Variants in ZNF804B observed in about 807,000 individuals in gnomAD.
The protein encoded by ZNF804B is zinc finger 804B.
ZNF804B carries 80 observed loss-of-function variants against 101.4 expected under a neutral mutation model. The observed-to-expected ratio is 0.79, with a 90% confidence interval of 0.66 to 0.95. ZNF804B has a LOEUF of 0.95. ZNF804B is among the 40% of genes least tolerant of loss of function. The pLI, the probability that ZNF804B is intolerant of heterozygous loss-of-function variation, is 0.00. For missense variants in ZNF804B, 1,673 were observed against 1,561.9 expected (o/e 1.07, Z -1.20); for synonymous variants, 622 against 558.8 (o/e 1.11, Z -1.59).
chr7:89,051,511 T>G (rs995798505), intron 1 of ZNF804B, among the ~76,000 whole-genome samples: 1 of 152,162 alleles, frequency 6.6e-6, no homozygotes, highest in Non-Finnish European at 1.5e-5. Context: ...AGTTTGCTAT[T>G]TTACCATTCA....
chr7:88,857,766 A>G (rs540819332), intron 1 of ZNF804B, among the ~76,000 whole-genome samples: 1 of 150,784 alleles, frequency 6.6e-6, no homozygotes, highest in African/African-American at 2.4e-5. Flanking sequence ...TTATGAGGCC[A>G]GCATAATCCT....
intron 2 of ZNF804B, among the ~76,000 whole-genome samples, chr7:89,314,895 C>A (rs1790699411): frequency 6.6e-6 from 1 of 152,204 alleles, no homozygotes; most frequent in African/African-American, 2.4e-5. Flanking sequence ...CAGAAAACTT[C>A]AAGCTCTTAA....
At chr7:89,190,401 G>A (rs1434590817) in intron 1 of ZNF804B, among the ~76,000 whole-genome samples, 2 of 150,780 alleles carry the variant, frequency 1.3e-5, no homozygotes, top group Non-Finnish European at 3.0e-5. Flanking sequence ...CTGAATTATT[G>A]TGATTTCTTA....
At chr7:89,045,266 T>C (rs187032278) in intron 1 of ZNF804B, among the ~76,000 whole-genome samples, 1 of 152,320 alleles carries the variant, frequency 6.6e-6, no homozygotes, top group East Asian at 1.9e-4. Context: ...TGCCTGGATG[T>C]CCAGGCAGAA....
At chr7:89,263,067 A>G (rs1406734721) in intron 2 of ZNF804B, among the ~76,000 whole-genome samples, 2 of 152,152 alleles carry the variant, frequency 1.3e-5, no homozygotes, top group African/African-American at 4.8e-5. Flanking sequence ...TGACTGTGAG[A>G]AAGTGGCATC....
At chr7:88,996,632 G>A (rs1424254005) in intron 1 of ZNF804B, among the ~76,000 whole-genome samples, 1 of 152,064 alleles carries the variant, frequency 6.6e-6, no homozygotes, top group Non-Finnish European at 1.5e-5. Flanking sequence ...AATTTAAATT[G>A]GCAAGTGTTT....
At position 89,007,446 on chromosome 7, in the gene ZNF804B, T is replaced by TTATATATATATA. The variant is rs61374091; in HGVS notation, c.109-210681_109-210670dup. 8.7e-3 allele frequency among the ~76,000 whole-genome samples: 495 copies of TTATATATATATA among 57,120 alleles called. 12 individuals are homozygous for TTATATATATATA. The highest frequency in any genetic ancestry group is 0.028 in the East Asian group (35 of 1,232). 37.5% of individuals were successfully genotyped at this position (57,120 alleles called of 152,430 possible). Reference sequence around the variant, plus strand: ...ATGTTATCTAAAGTTATCCATGATTTTATATATATATATATATATATATAT... The same window carrying TTATATATATATA: ...ATGTTATCTAAAGTTATCCATGATTTTATATATATATATATATATATATATATATATATATAT... On this transcript the variant is annotated intron_variant, in intron 1 of 3. Coordinates refer to ENST00000333190, the MANE Select transcript of ZNF804B (RefSeq NM_181646.5).
At chr7:88,846,911 CACAT>C (rs1231533954) in intron 1 of ZNF804B, among the ~76,000 whole-genome samples, 8 of 142,122 alleles carry the variant, frequency 5.6e-5, no homozygotes, top group East Asian at 4.3e-4. Flanking sequence ...TAATTATATA[CACAT>C]ACATATATAT....
At chr7:89,019,392 T>A (rs886128688) in intron 1 of ZNF804B, among the ~76,000 whole-genome samples, 3 of 152,084 alleles carry the variant, frequency 2.0e-5, no homozygotes, top group African/African-American at 7.2e-5. Flanking sequence ...GTGTTTTGTA[T>A]TCTAACATAT....
intron 1 of ZNF804B, among the ~76,000 whole-genome samples, chr7:88,778,053 A>G (rs927222753): frequency 1.3e-5 from 2 of 152,248 alleles, no homozygotes; most frequent in African/African-American, 4.8e-5. Flanking sequence ...AAAAAATAAC[A>G]TAAGTTTATT....
intron 1 of ZNF804B, among the ~76,000 whole-genome samples, chr7:88,908,061 G>T (rs960969683): frequency 1.3e-5 from 2 of 151,722 alleles, no homozygotes; most frequent in Non-Finnish European, 3.0e-5. Flanking sequence ...ACTCTGAGGG[G>T]TTGGGAAGGT....
At chr7:88,995,784 T>A (rs371686499) in intron 1 of ZNF804B, among the ~76,000 whole-genome samples, 1 of 152,086 alleles carries the variant, frequency 6.6e-6, no homozygotes, top group Non-Finnish European at 1.5e-5. Context: ...TTAGTAGTGA[T>A]AAATTATGTC....
Position 88,910,467 on chromosome 7 carries a change from G to A in ZNF804B, c.108+150383G>A, listed in dbSNP as rs562963524. ...ACTGCTTTGCTTAATTCTATGAACC[G>A]TTGTATTTATTTTAATAAATATTTT... is the stretch of plus-strand genomic sequence containing the variant. On this transcript the variant is annotated intron_variant, in intron 1 of 3. Transcript: ENST00000333190. Among the ~76,000 whole-genome samples the A allele has an allele frequency of 1.6e-4, 25 of 151,800 alleles. No homozygotes were observed. The South Asian group carries it at 2.9e-3, about 18-fold the overall frequency.
chr7:88,843,149 A>G lies in ZNF804B; in HGVS notation c.108+83065A>G, dbSNP rs370040448. ...TTGGAAAATACTCTAGTAAGGGAAC[A>G]TTTGAAATTGTATTATTGGTGTTTG... On this transcript the variant is annotated intron_variant, in intron 1 of 3. Transcript: ENST00000333190. Among the ~76,000 whole-genome samples, 4 of 152,306 alleles carry G rather than the reference A, an allele frequency of 2.6e-5. No individual in the cohort carries two copies. The East Asian group carries it at 7.7e-4, about 29-fold the overall frequency.
At chr7:89,270,446 T>C (rs371970613) in intron 2 of ZNF804B, among the ~76,000 whole-genome samples, 10 of 152,046 alleles carry the variant, frequency 6.6e-5, no homozygotes, top group African/African-American at 2.4e-5. Flanking sequence ...GGTACCAGTA[T>C]CATGCTGTTT....
intron 1 of ZNF804B, among the ~76,000 whole-genome samples, chr7:88,967,369 AC>A (rs1194363368): frequency 6.6e-6 from 1 of 151,268 alleles, no homozygotes; most frequent in Non-Finnish European, 1.5e-5. Flanking sequence ...GTGAGAACTC[AC>A]TCACTATTAC....
intron 1 of ZNF804B, among the ~76,000 whole-genome samples, chr7:89,047,316 T>A (rs2116258419): frequency 6.6e-6 from 1 of 152,324 alleles, no homozygotes; most frequent in Admixed American, 6.5e-5. Flanking sequence ...AACTCAAATT[T>A]CTTTCACCAG....
At chr7:88,813,205 A>C (rs917008558) in intron 1 of ZNF804B, among the ~76,000 whole-genome samples, 2 of 152,046 alleles carry the variant, frequency 1.3e-5, no homozygotes, top group East Asian at 3.9e-4. Context: ...AGGCGGTTGG[A>C]TCATGAGGTC....
intron 1 of ZNF804B, among the ~76,000 whole-genome samples, chr7:88,975,021 A>G (rs1043840042): frequency 2.6e-5 from 4 of 151,562 alleles, no homozygotes; most frequent in Admixed American, 1.3e-4. Flanking sequence ...ATAAGTGAGA[A>G]TATGTGAAAT....
Sources: gnomAD v4.1 joint callset for allele counts (sites outside exome capture counted in the v4.1 genomes callset) on GRCh38, gnomAD v4.1.1 for gene constraint, MANE v1.5 for transcripts, NCBI Gene and HGNC (gene_info 2026-07-23, HGNC 2026-07-21) for gene names.